SLC44A5: variants seen among roughly 807,000 people sequenced by gnomAD.
The protein encoded by SLC44A5 is solute carrier family 44 member 5.
A neutral mutation model predicts 101.8 loss-of-function variants in SLC44A5; 57 were observed. That is an observed-to-expected ratio of 0.56 (90% CI 0.45 to 0.70). The LOEUF is 0.70. Ranked by LOEUF, SLC44A5 falls within the 30% of genes least tolerant of loss-of-function variation. SLC44A5 has a pLI of 0.00. For missense variants in SLC44A5, 737 were observed against 853.1 expected (o/e 0.86, Z 1.70); for synonymous variants, 281 against 290.9 (o/e 0.97, Z 0.35).
intron 4 of SLC44A5, among the ~76,000 whole-genome samples, chr1:75,334,495 A>C (rs569700181): frequency 1.3e-5 from 2 of 152,314 alleles, no homozygotes; most frequent in Admixed American, 6.5e-5. Flanking sequence ...AAAGAAGACA[A>C]AATCTGCAAG....
chr1:75,515,013 T>C (rs1669753118), intron 2 of SLC44A5, among the ~76,000 whole-genome samples: 1 of 152,222 alleles, frequency 6.6e-6, no homozygotes, highest in Non-Finnish European at 1.5e-5. Context: ...ACAATACATC[T>C]CGGCAATATT....
intron 10 of SLC44A5, 101 bp from the exon 11 acceptor site, chr1:75,237,171 CA>C: frequency 1.5e-6 from 1 of 650,768 alleles, no homozygotes; most frequent in Admixed American, 2.4e-5. Flanking sequence ...CTGTTGAAAG[CA>C]TGTTTTCAGA....
intron 6 of SLC44A5, among the ~76,000 whole-genome samples, chr1:75,257,056 G>A (rs753378480): frequency 6.6e-6 from 1 of 152,166 alleles, no homozygotes; most frequent in Non-Finnish European, 1.5e-5. Flanking sequence ...TTGTCCCAGT[G>A]AAAGGAAAGT....
intron 2 of SLC44A5, among the ~76,000 whole-genome samples, chr1:75,530,044 G>A (rs747762233): frequency 5.3e-5 from 8 of 152,054 alleles, no homozygotes; most frequent in Non-Finnish European, 1.0e-4. Context: ...CCTTGATTTT[G>A]CAAGAAATAA....
chr1:75,405,063 C>G (rs1662755969), intron 2 of SLC44A5, among the ~76,000 whole-genome samples: 1 of 152,194 alleles, frequency 6.6e-6, no homozygotes, highest in Non-Finnish European at 1.5e-5. Context: ...TCTGATAAAA[C>G]AGACTTTCAA....
intron 4 of SLC44A5, among the ~76,000 whole-genome samples, chr1:75,310,990 TTGAG>T (rs1160471506): frequency 9.2e-5 from 14 of 152,138 alleles, no homozygotes; most frequent in Non-Finnish European, 1.9e-4. Flanking sequence ...TGTCATTACA[TTGAG>T]TATTAAAATA....
intron 6 of SLC44A5, among the ~76,000 whole-genome samples, chr1:75,271,303 A>G (rs1266116807): frequency 6.6e-6 from 1 of 152,038 alleles, no homozygotes; most frequent in Non-Finnish European, 1.5e-5. Context: ...TATTTTTAAA[A>G]ATGTTAATAG....
chr1:75,598,700 CACTT>C (rs1479754147), intron 1 of SLC44A5, among the ~76,000 whole-genome samples: 1 of 152,134 alleles, frequency 6.6e-6, no homozygotes, highest in Non-Finnish European at 1.5e-5. Flanking sequence ...TGAGTGTTCT[CACTT>C]ACAAGTGGGA....
chr1:75,320,509 A>C (rs941727721), intron 4 of SLC44A5, among the ~76,000 whole-genome samples: 5 of 152,186 alleles, frequency 3.3e-5, no homozygotes, highest in African/African-American at 1.2e-4. Flanking sequence ...CATAACGAAA[A>C]GAAAAAACCA....
intron 2 of SLC44A5, among the ~76,000 whole-genome samples, chr1:75,505,007 C>T (rs2101851281): frequency 6.6e-6 from 1 of 152,220 alleles, no homozygotes; most frequent in East Asian, 1.9e-4. Flanking sequence ...CCCCTCTCCC[C>T]TCTCTAGTAG....
intron 3 of SLC44A5, among the ~76,000 whole-genome samples, chr1:75,357,700 A>T (rs116722662): frequency 6.6e-6 from 1 of 152,088 alleles, no homozygotes; most frequent in Non-Finnish European, 1.5e-5. Flanking sequence ...AAAACTTGGG[A>T]TAGAAAATCC....
intron 6 of SLC44A5, among the ~76,000 whole-genome samples, chr1:75,261,691 C>A (rs570753299): frequency 1.3e-5 from 2 of 152,040 alleles, no homozygotes; most frequent in Non-Finnish European, 2.9e-5. Context: ...CATCCTAATG[C>A]CAAAACCTGG....
the SLC44A5 span, among the ~76,000 whole-genome samples, chr1:75,671,735 G>A: frequency 1.0e-3 from 156 of 152,290 alleles, 1 homozygote; most frequent in African/African-American, 3.3e-3. Flanking sequence ...TAGAAAGGGC[G>A]AAGCTCTCAA....
chr1:75,284,215 C>A (rs191883602), intron 5 of SLC44A5, among the ~76,000 whole-genome samples: 9 of 152,160 alleles, frequency 5.9e-5, no homozygotes, highest in East Asian at 3.9e-4. Flanking sequence ...GATGTGTCAC[C>A]TCCTTGGTTT....
At chr1:75,258,424 G>A (rs886549754) in intron 6 of SLC44A5, among the ~76,000 whole-genome samples, 1 of 152,172 alleles carries the variant, frequency 6.6e-6, no homozygotes, top group African/African-American at 2.4e-5. Context: ...TTGGAACTGG[G>A]TGGAGCTCAC....
intron 2 of SLC44A5, among the ~76,000 whole-genome samples, chr1:75,403,770 A>G (rs1376068245): frequency 6.6e-6 from 1 of 152,174 alleles, no homozygotes; most frequent in Non-Finnish European, 1.5e-5. Context: ...TGAAAATTAC[A>G]AATACCACAA....
At chr1:75,371,040 A>T (rs1284463675) in intron 3 of SLC44A5, among the ~76,000 whole-genome samples, 1 of 152,170 alleles carries the variant, frequency 6.6e-6, no homozygotes, top group African/African-American at 2.4e-5. Context: ...AAAACTCCTC[A>T]GTTTTCCTGT....
At chr1:75,375,145 C>T (rs1441494617) in intron 3 of SLC44A5, among the ~76,000 whole-genome samples, 3 of 152,150 alleles carry the variant, frequency 2.0e-5, no homozygotes, top group Non-Finnish European at 4.4e-5. Context: ...ACAACAGAGC[C>T]ATTTTAAGTA....
At chr1:75,301,353 G>C (rs1306677435) in intron 4 of SLC44A5, among the ~76,000 whole-genome samples, 1 of 152,130 alleles carries the variant, frequency 6.6e-6, no homozygotes, top group Non-Finnish European at 1.5e-5. Context: ...GATACTCAAG[G>C]TTTTCAACTA....
Sources: allele counts gnomAD v4.1 joint callset (sites outside exome capture counted in the v4.1 genomes callset), GRCh38; gene constraint gnomAD v4.1.1; transcripts MANE v1.5; gene names NCBI Gene and HGNC (gene_info 2026-07-23, HGNC 2026-07-21).